Variants in CTSW observed in about 807,000 individuals in gnomAD.
CTSW encodes cathepsin W, also known as lymphopain.
In CTSW, 42 loss-of-function variants were observed where a neutral mutation model predicts 43.8. The observed-to-expected ratio is 0.96, with a 90% CI of 0.75 to 1.24. CTSW has a LOEUF of 1.24. CTSW is among the 50% of genes most tolerant of loss of function. The pLI, the probability that CTSW is intolerant of heterozygous loss-of-function variation, is 0.00. For synonymous variants in CTSW, 191 were observed against 184.8 expected, an observed-to-expected ratio of 1.03 and a Z score of -0.27; for missense variants, 475 against 479.9, an observed-to-expected ratio of 0.99 and a Z score of 0.09.
chr11:65,880,128 G>A (rs1591071823), intron 1 of CTSW, 74 bp from the exon 2 acceptor site: 2 of 1,393,536 alleles, frequency 1.4e-6, no homozygotes, highest in Non-Finnish European at 2.0e-6. Context: ...TCCTTGCACG[G>A]CTGGGAACTA....
Position 65,880,286 on chromosome 11 carries a change from G to C in CTSW, c.172G>C (p.Glu58Gln), listed in dbSNP as rs780389746. Residue 58 changes from glutamate (E) to glutamine (Q), a missense_variant and splice_region_variant, in exon 2 of 10, where the codon GAG becomes CAG. Physicochemically the swap from Glu to Gln is conservative, Grantham distance 29. Transcript: ENST00000307886. ...CAACCGGAGTTACCTGAGCCCAGAAGGTATCACAGGGCACATACATCTCCA... is the reference window on the plus strand; with the variant it reads ...CAACCGGAGTTACCTGAGCCCAGAACGTATCACAGGGCACATACATCTCCA... ...QFNRSYLSPEEHAHRLDIFAH... is the reference protein window; with the variant it reads ...QFNRSYLSPEQHAHRLDIFAH... 1.2e-6 allele frequency: 2 copies of C among 1,612,382 alleles called. No individual in the cohort carries two copies. The highest frequency in any genetic ancestry group is 2.2e-5 in the South Asian group (2 of 91,014).
chr11:65,880,376 CA>C, intron 2 of CTSW, 90 bp downstream of exon 2: 1 of 1,030,768 alleles, frequency 9.7e-7, no homozygotes. Context: ...GGCTGGAGTG[CA>C]ATGGTGTCAT....
intron 2 of CTSW, among the ~76,000 whole-genome samples, chr11:65,880,789 G>A (rs1369606859): frequency 6.6e-6 from 1 of 152,174 alleles, no homozygotes; most frequent in East Asian, 1.9e-4. Context: ...AGTGGCAGGA[G>A]GTGGGGTCCT....
At chr11:65,881,259 G>T in intron 2 of CTSW, 148 bp from the exon 3 acceptor site, 3 of 472,664 alleles carry the variant, frequency 6.3e-6, no homozygotes, top group Non-Finnish European at 1.1e-5. Context: ...TCCTGGGCCT[G>T]GGTATCTGCA....
At chr11:65,880,107 C>A in intron 1 of CTSW, 95 bp from the exon 2 acceptor site, 3 of 1,294,110 alleles carry the variant, frequency 2.3e-6, no homozygotes, top group Admixed American at 1.7e-5. Flanking sequence ...ACTGGCTGAC[C>A]CCTAGCCCAG....
Position 65,883,145 on chromosome 11 carries a change from G to C in CTSW, c.810+12G>C. On this transcript the variant is annotated intron_variant, in intron 8 of 9. Transcript: ENST00000307886. ...TGAAGCCCCTTCAGGTGAGATGGGG[G>C]AGCTGATGGGGAAGGGGCATACAGG... The C allele has an allele frequency of 6.2e-7, 1 of 1,613,968 alleles. No homozygotes were observed. Among genetic ancestry groups the C allele is most frequent in the South Asian group, 1.1e-5 (1 of 91,072 alleles).
chr11:65,881,827 G>C (rs909456375), intron 3 of CTSW, among the ~76,000 whole-genome samples: 1 of 152,140 alleles, frequency 6.6e-6, no homozygotes, highest in Non-Finnish European at 1.5e-5. Context: ...TGTTGTCCAG[G>C]CTGCAGTACA....
intron 3 of CTSW, among the ~76,000 whole-genome samples, 195 bp from the exon 4 acceptor site, chr11:65,881,980 C>T (rs1407969359): frequency 2.6e-5 from 4 of 152,172 alleles, no homozygotes; most frequent in Non-Finnish European, 4.4e-5. Flanking sequence ...GATGGGGTCT[C>T]GGACTCCTGA....
At chr11:65,881,542 C>T (rs1296800148) in intron 3 of CTSW, 22 bp downstream of exon 3, 4 of 1,539,634 alleles carry the variant, frequency 2.6e-6, no homozygotes, top group African/African-American at 2.7e-5. Context: ...CCTTCTGGCT[C>T]GTAGGTGGTG....
chr11:65,882,939 G>GGACGGACACGGGCGGATGGCAGT (rs1860132764), intron 7 of CTSW, 35 bp downstream of exon 7: 1 of 1,613,072 alleles, frequency 6.2e-7, no homozygotes, highest in Non-Finnish European at 8.5e-7. Flanking sequence ...CGGATGGCAG[G>GGACGGACACGGGCGGATGGCAGT]GACAGACACC....
At position 65,883,525 on chromosome 11, in the gene CTSW, C is replaced by T. The variant is rs748358163; in HGVS notation, c.1038C>T (p.His346=). 6 of 1,613,822 alleles carry T rather than the reference C, an allele frequency of 3.7e-6. No individual in the cohort carries two copies. In the African/African-American group the frequency reaches 8.0e-5, roughly 22 times the overall value. Residue 346 remains histidine, a synonymous_variant, in exon 10 of 10, where the codon CAC becomes CAT. Coordinates refer to ENST00000307886, the MANE Select transcript of CTSW (RefSeq NM_001335.4). ...QWGEKGYFRL[H]RGSNTCGITK... is the part of the protein sequence containing the mutation. Reference sequence around the variant, plus strand: ...CCTCCTAGGGCTATTTCCGGCTGCACCGAGGGAGCAATACCTGTGGCATCA... The same window carrying T: ...CCTCCTAGGGCTATTTCCGGCTGCATCGAGGGAGCAATACCTGTGGCATCA...
Position 65,883,652 on chromosome 11 carries a change from G to A in CTSW, c.*34G>A. 4.4e-6 allele frequency: 7 copies of A among 1,580,954 alleles called. No homozygotes were observed. Among genetic ancestry groups the A allele is most frequent in the Non-Finnish European group, 6.1e-6 (7 of 1,152,574 alleles). On this transcript the variant is annotated 3_prime_UTR_variant, in exon 10 of 10. Coordinates refer to ENST00000307886, the MANE Select transcript of CTSW (RefSeq NM_001335.4). ...GGCCCCCTCAGCTCTGTCCTGTTAGGCCAACTGCCTCCTTGCCAGCCCCAC... is the reference window on the plus strand; with the variant it reads ...GGCCCCCTCAGCTCTGTCCTGTTAGACCAACTGCCTCCTTGCCAGCCCCAC...
chr11:65,880,248 TC>T lies in CTSW; in HGVS notation c.136del (p.Gln46ArgfsTer9). On this transcript the variant is annotated frameshift_variant, in exon 2 of 10. Transcript: ENST00000307886. LOFTEE classifies it high-confidence loss of function. ...GAGCTGAAAGAGGCCTTCAAGTTGT[TC>T]CAGATCCAGTTCAACCGGAGTTACC... is the stretch of plus-strand genomic sequence containing the variant. ...PLELKEAFKL[F>X]QIQFNRSYLS... is the part of the protein sequence containing the mutation. 2 of 1,613,886 alleles carry T rather than the reference TC, an allele frequency of 1.2e-6. No homozygotes were observed. Among genetic ancestry groups the T allele is most frequent in the Non-Finnish European group, 1.7e-6 (2 of 1,179,988 alleles).
rs2134768021 is a variant in CTSW, at chr11:65,883,587, A to C, written c.1100A>C (p.Asp367Ala). 3 of 1,613,996 alleles carry C rather than the reference A, an allele frequency of 1.9e-6. No individual in the cohort carries two copies. The South Asian group carries it at 3.3e-5, about 18-fold the overall frequency. The change falls in exon 10 of 10, where the codon GAT becomes GCT. Residue 367 changes from aspartate to alanine, a missense_variant. Physicochemically the swap from Asp to Ala is moderately radical, Grantham distance 126. Coordinates refer to ENST00000307886, the MANE Select transcript of CTSW (RefSeq NM_001335.4). The part of the protein sequence containing the change: ...FPLTARVQKP[D>A]MKPRVSCPP Reference sequence around the variant, plus strand: ...CTCACTGCCCGTGTGCAGAAACCGGATATGAAGCCCCGAGTCTCCTGCCCT... The same window carrying C: ...CTCACTGCCCGTGTGCAGAAACCGGCTATGAAGCCCCGAGTCTCCTGCCCT...
At position 65,882,247 on chromosome 11, in the gene CTSW, G is replaced by A. The variant is rs758545430; in HGVS notation, c.359G>A (p.Arg120Lys). ...GTCCCCAGCATGGGCAGAGAAATAA[G>A]GTCTGAAGAGCCAGAGGAGTCAGTA... is the stretch of plus-strand genomic sequence containing the variant. ...GGVPSMGREI[R>K]SEEPEESVPF... Residue 120 changes from arginine to lysine, a missense_variant, in exon 4 of 10, where the codon AGG (arginine) becomes AAG (lysine). By Grantham distance (26) the Arg-to-Lys change is conservative. Coordinates refer to ENST00000307886, the MANE Select transcript of CTSW (RefSeq NM_001335.4). 1.2e-6 allele frequency: 2 copies of A among 1,614,160 alleles called. No individual in the cohort carries two copies. The highest frequency in any genetic ancestry group is 1.1e-5 in the South Asian group (1 of 91,088).
At chr11:65,883,003 G>T in intron 7 of CTSW, 66 bp from the exon 8 acceptor site, 1 of 1,612,378 alleles carries the variant, frequency 6.2e-7, no homozygotes. Context: ...AGGGGGTGGG[G>T]GGAGCGAAGG....
chr11:65,879,864 A>G lies in CTSW; in HGVS notation c.10A>G (p.Thr4Ala), dbSNP rs749703639. 1.2e-6 allele frequency: 2 copies of G among 1,613,736 alleles called. No homozygotes were observed. The highest frequency in any genetic ancestry group is 1.7e-4 in the Middle Eastern group (1 of 6,060). Residue 4 changes from threonine to alanine, a missense_variant, in exon 1 of 10, where the codon ACT becomes GCT. Thr to Ala is a moderately conservative substitution (Grantham distance 58). Coordinates refer to ENST00000307886, the MANE Select transcript of CTSW (RefSeq NM_001335.4). MAL[T>A]AHPSCLLALL... is the part of the protein sequence containing the mutation. ...TCCAGACTGCACCGGCATGGCACTG[A>G]CTGCCCACCCCTCCTGCCTCCTGGC...
rs1303660458 is a variant in CTSW at position 65,881,521 on chromosome 11, G to A, written c.286+1G>A. 4 of 1,596,056 alleles carry A rather than the reference G, an allele frequency of 2.5e-6. No individual in the cohort carries two copies. The highest frequency in any genetic ancestry group is 4.5e-5 in the East Asian group (2 of 44,122). On this transcript the variant is annotated splice_donor_variant, in intron 3 of 9. Coordinates refer to ENST00000307886, the MANE Select transcript of CTSW (RefSeq NM_001335.4). LOFTEE classifies it high-confidence loss of function. ...GTGACTCCATTCAGTGACCTCACAG[G>A]TACCATTAACCCTTCTGGCTCGTAG... is the stretch of plus-strand genomic sequence containing the variant.
chr11:65,882,916 G>T lies in CTSW; in HGVS notation c.745+12G>T. 1.2e-6 allele frequency: 2 copies of T among 1,613,734 alleles called. No individual in the cohort carries two copies. The highest frequency in any genetic ancestry group is 1.7e-6 in the Non-Finnish European group (2 of 1,179,986). On this transcript the variant is annotated intron_variant, in intron 7 of 9. Coordinates refer to ENST00000307886, the MANE Select transcript of CTSW (RefSeq NM_001335.4). ...GAACAACGAGCACAGTGCGGGCAGG[G>T]CAGGGACACGGGCGGATGGCAGGGA...
Sources: gnomAD v4.1 joint callset for allele counts (sites outside exome capture counted in the v4.1 genomes callset) on GRCh38, gnomAD v4.1.1 for gene constraint, MANE v1.5 for transcripts, NCBI Gene and HGNC (gene_info 2026-07-23, HGNC 2026-07-21) for gene names.